Variants in RAB3C observed in about 807,000 individuals in gnomAD.
RAB3C encodes RAB3C, member RAS oncogene family.
In RAB3C, 17 loss-of-function variants were observed where a neutral mutation model predicts 26.4. The observed-to-expected ratio is 0.64, with a 90% CI of 0.44 to 0.97. The LOEUF is 0.97. RAB3C is among the 50% of genes least tolerant of loss of function. RAB3C has a pLI of 0.00. For missense variants in RAB3C, 242 were observed against 281.9 expected, an observed-to-expected ratio of 0.86 and a Z score of 1.01; for synonymous variants, 91 against 95.9, an observed-to-expected ratio of 0.95 and a Z score of 0.30.
chr5:58,640,405 GA>G (rs2111767079), intron 2 of RAB3C, among the ~76,000 whole-genome samples: 1 of 152,276 alleles, frequency 6.6e-6, no homozygotes, highest in Admixed American at 6.5e-5. Context: ...TCGGAGTGTG[GA>G]ATGAGGAAGG....
intron 3 of RAB3C, among the ~76,000 whole-genome samples, chr5:58,818,400 C>A (rs190791350): frequency 1.3e-5 from 2 of 152,306 alleles, no homozygotes; most frequent in Admixed American, 6.5e-5. Context: ...TGAGACTCCT[C>A]TTTAATATTT....
rs534785333 is a variant in RAB3C at position 58,691,816 on chromosome 5, C to T, written c.253-34186C>T. Reference sequence around the variant, plus strand: ...CTCACCTGTGATGTCACTGAAAAAACACACCAGATAAATCACATTTATACC... The same window carrying T: ...CTCACCTGTGATGTCACTGAAAAAATACACCAGATAAATCACATTTATACC... On this transcript the variant is annotated intron_variant, in intron 2 of 4. Transcript: ENST00000282878. Among the ~76,000 whole-genome samples, 6 of 152,258 alleles carry T rather than the reference C, an allele frequency of 3.9e-5. No individual in the cohort carries two copies. In the South Asian group the frequency reaches 8.3e-4, roughly 21 times the overall value.
At chr5:58,848,314 G>A (rs1579952252) in intron 4 of RAB3C, 1 of 152,146 alleles carries the variant, frequency 6.6e-6, no homozygotes, top group East Asian at 1.9e-4. Context: ...GTTAAATCTA[G>A]TTAATTATTT....
At chr5:58,815,709 T>G (rs1743201396) in intron 3 of RAB3C, 1 of 152,224 alleles carries the variant, frequency 6.6e-6, no homozygotes, top group African/African-American at 2.4e-5. Context: ...ATTCAATCTC[T>G]AATTCTACAT....
At chr5:58,840,612 G>A (rs976034178) in intron 4 of RAB3C, among the ~76,000 whole-genome samples, 1 of 152,038 alleles carries the variant, frequency 6.6e-6, no homozygotes, top group African/African-American at 2.4e-5. Context: ...TATGAAGTAG[G>A]TTTCATATGA....
intron 3 of RAB3C, among the ~76,000 whole-genome samples, chr5:58,816,353 A>G (rs772280474): frequency 2.6e-5 from 4 of 152,198 alleles, no homozygotes; most frequent in Admixed American, 2.0e-4. Flanking sequence ...GAGAATCAGT[A>G]TGGTAACAAC....
At chr5:58,669,081 C>A (rs779330239) in intron 2 of RAB3C, among the ~76,000 whole-genome samples, 1 of 152,138 alleles carries the variant, frequency 6.6e-6, no homozygotes, top group African/African-American at 2.4e-5. Flanking sequence ...CCCCCACAAC[C>A]TAATTACCTC....
chr5:58,726,164 C>T (rs1415690994), intron 3 of RAB3C, 44 bp downstream of exon 3: 1 of 985,776 alleles, frequency 1.0e-6, no homozygotes, highest in Non-Finnish European at 1.6e-6. Flanking sequence ...TGATGGTTCT[C>T]CGGTCAACTC....
At chr5:58,780,103 G>T (rs1742239114) in intron 3 of RAB3C, among the ~76,000 whole-genome samples, 2 of 152,140 alleles carry the variant, frequency 1.3e-5, no homozygotes, top group Admixed American at 1.3e-4. Flanking sequence ...TTGGAGGGCA[G>T]AGGAATAAAA....
At chr5:58,679,418 T>C (rs1347974696) in intron 2 of RAB3C, among the ~76,000 whole-genome samples, 1 of 152,236 alleles carries the variant, frequency 6.6e-6, no homozygotes, top group Non-Finnish European at 1.5e-5. Flanking sequence ...TTGCTTTCAC[T>C]GAAGACATAA....
intron 2 of RAB3C, among the ~76,000 whole-genome samples, chr5:58,650,859 A>G (rs937278684): frequency 1.3e-5 from 2 of 152,218 alleles, no homozygotes; most frequent in Non-Finnish European, 2.9e-5. Context: ...AAGAAAATAT[A>G]CAAGTCTAAA....
intron 2 of RAB3C, among the ~76,000 whole-genome samples, chr5:58,718,358 A>G (rs748300462): frequency 1.3e-5 from 2 of 152,076 alleles, no homozygotes; most frequent in Non-Finnish European, 2.9e-5. Context: ...ACTGAAAACC[A>G]TCTCCAACTT....
At chr5:58,584,176 C>T (rs1745964540) in intron 1 of RAB3C, among the ~76,000 whole-genome samples, 1 of 152,136 alleles carries the variant, frequency 6.6e-6, no homozygotes, top group African/African-American at 2.4e-5. Flanking sequence ...GCTGCCAAAC[C>T]CAAGAGTATA....
intron 3 of RAB3C, among the ~76,000 whole-genome samples, chr5:58,786,524 T>C (rs113409671): frequency 3.3e-5 from 5 of 152,272 alleles, no homozygotes; most frequent in African/African-American, 1.2e-4. Flanking sequence ...CCCAGGAGAA[T>C]GTGGCTTGTC....
intron 1 of RAB3C, among the ~76,000 whole-genome samples, chr5:58,598,281 C>G (rs538558819): frequency 6.7e-6 from 1 of 148,532 alleles, no homozygotes; most frequent in Non-Finnish European, 1.5e-5. Flanking sequence ...AGCTGAAAGC[C>G]TTTTAATGAT....
rs960232471 is a variant in RAB3C at position 58,841,230 on chromosome 5, G to A, written c.497-9934G>A. The stretch of plus-strand genomic sequence containing the variant: ...TCAGGTCCTCTCCCATTTAGGGGAG[G>A]GCATGTAGCAGTTTGGCTGGCTCAA... On this transcript the variant is annotated intron_variant, in intron 4 of 4. Coordinates refer to ENST00000282878, the MANE Select transcript of RAB3C (RefSeq NM_138453.4). Among the ~76,000 whole-genome samples, 5 of 152,164 alleles carry A rather than the reference G, an allele frequency of 3.3e-5. No individual in the cohort carries two copies. In the East Asian group the frequency reaches 9.6e-4, roughly 29 times the overall value.
At chr5:58,840,224 A>G (rs1021895231) in intron 4 of RAB3C, among the ~76,000 whole-genome samples, 1 of 151,664 alleles carries the variant, frequency 6.6e-6, no homozygotes, top group African/African-American at 2.4e-5. Flanking sequence ...AACTTCAGAA[A>G]TTCTTTTTTC....
Position 58,588,983 on chromosome 5 carries a change from C to A in RAB3C, c.24+5751C>A, listed in dbSNP as rs144753432. Among the ~76,000 whole-genome samples, 541 of 152,204 alleles carry A rather than the reference C, an allele frequency of 3.6e-3. 3 individuals are homozygous for A. Among genetic ancestry groups the A allele is most frequent in the African/African-American group, 0.012 (512 of 41,554 alleles). On this transcript the variant is annotated intron_variant, in intron 1 of 4. Transcript: ENST00000282878. Reference sequence around the variant, plus strand: ...CAGCGGACATCCTTATCTTGTTCCCCATTTTAAGAGGGAAGACCTTCCGTT... The same window carrying A: ...CAGCGGACATCCTTATCTTGTTCCCAATTTTAAGAGGGAAGACCTTCCGTT...
chr5:58,628,087 G>A (rs1025849820), intron 2 of RAB3C, among the ~76,000 whole-genome samples: 1 of 144,294 alleles, frequency 6.9e-6, no homozygotes, highest in Non-Finnish European at 1.5e-5. Flanking sequence ...AACCTGGGAG[G>A]CAGGGGTTGC....
Sources: allele counts gnomAD v4.1 joint callset (sites outside exome capture counted in the v4.1 genomes callset), GRCh38; gene constraint gnomAD v4.1.1; transcripts MANE v1.5; gene names NCBI Gene and HGNC (gene_info 2026-07-23, HGNC 2026-07-21).